The following PC variants were observed in gnomAD, a reference collection of about 807,000 sequenced individuals.
PC encodes pyruvate carboxylase, also known as pyruvate carboxylase, mitochondrial.
In PC, 46 loss-of-function variants were observed where a neutral mutation model predicts 107.8. That is an observed-to-expected ratio of 0.43 (90% CI 0.34 to 0.55). PC has a LOEUF of 0.55. PC is among the 20% of genes least tolerant of loss of function. The pLI, the probability that PC is intolerant of heterozygous loss-of-function variation, is 0.04. For synonymous variants in PC, 662 were observed against 684.7 expected, an observed-to-expected ratio of 0.97 and a Z score of 0.52; for missense variants, 1,241 against 1,643.1, an observed-to-expected ratio of 0.76 and a Z score of 4.23.
chr11:66,886,910 G>A (rs1395944666), intron 3 of PC, among the ~76,000 whole-genome samples: 1 of 152,126 alleles, frequency 6.6e-6, no homozygotes. Flanking sequence ...CAGTGCCACG[G>A]TGCACGCCCC....
intron 3 of PC, among the ~76,000 whole-genome samples, chr11:66,907,647 A>T (rs1464933403): frequency 1.3e-5 from 2 of 152,162 alleles, no homozygotes; most frequent in African/African-American, 4.8e-5. Context: ...GATCTAGTCC[A>T]ACCCTCCCCT....
At position 66,857,745 on chromosome 11, in the gene PC, A is replaced by G. The variant is rs1456755686; in HGVS notation, c.1369-4362T>C. On this transcript the variant is annotated intron_variant, in intron 12 of 22. Coordinates refer to ENST00000393960, the MANE Select transcript of PC (RefSeq NM_001040716.2). This position sits in a 1 kb window ranked among gnomAD's most constrained non-coding sequence, Gnocchi z 7.1. ...GGCCCCTTCCTACAGGGCGCTCACC[A>G]TGGCCCCGCCGCTCCTGCTGCTGCT... 1.9e-6 allele frequency: 3 copies of G among 1,590,762 alleles called. No individual in the cohort carries two copies. The highest frequency in any genetic ancestry group is 2.6e-6 in the Non-Finnish European group (3 of 1,175,266).
intron 11 of PC, among the ~76,000 whole-genome samples, chr11:66,864,482 T>A (rs1591172361): frequency 6.6e-6 from 1 of 152,236 alleles, no homozygotes; most frequent in African/African-American, 2.4e-5. Context: ...GGGGGTTTGT[T>A]TTTGTTTTTA....
chr11:66,882,407 G>T (rs971869784), intron 3 of PC, among the ~76,000 whole-genome samples: 14 of 152,250 alleles, frequency 9.2e-5, no homozygotes, highest in Non-Finnish European at 1.5e-5. Context: ...AGGCCGCAGA[G>T]GAAGGGAAAG....
At chr11:66,906,804 C>A (rs1056103807) in intron 3 of PC, among the ~76,000 whole-genome samples, 1 of 152,174 alleles carries the variant, frequency 6.6e-6, no homozygotes, top group Non-Finnish European at 1.5e-5. Context: ...AGGTTTTCTT[C>A]AAAATGGGAG....
At chr11:66,887,010 G>A (rs917172822) in intron 3 of PC, among the ~76,000 whole-genome samples, 2 of 152,226 alleles carry the variant, frequency 1.3e-5, no homozygotes, top group African/African-American at 4.8e-5. Context: ...ATCAGGGCTG[G>A]CCCAGGAGGT....
intron 12 of PC, chr11:66,859,160 A>G: frequency 1.4e-6 from 2 of 1,451,446 alleles, no homozygotes; most frequent in Non-Finnish European, 1.8e-6. Context: ...GCTCCCCACA[A>G]GGCTTTGCTT....
intron 3 of PC, among the ~76,000 whole-genome samples, chr11:66,887,978 C>T (rs140372279): frequency 5.3e-5 from 8 of 152,362 alleles, no homozygotes; most frequent in African/African-American, 1.9e-4. Flanking sequence ...CACATCACTC[C>T]CACCTCTGGC....
rs763433647 is a variant in PC, at chr11:66,871,050, A to G, written c.633+2T>C. 6.2e-7 allele frequency: 1 copy of G among 1,613,168 alleles called. No homozygotes were observed. The highest frequency in any genetic ancestry group is 1.3e-5 in the African/African-American group (1 of 74,634). On this transcript the variant is annotated splice_donor_variant, in intron 7 of 22. Coordinates refer to ENST00000393960, the MANE Select transcript of PC (RefSeq NM_001040716.2). LOFTEE classifies it high-confidence loss of function. The surrounding 1 kb of genome is among the most constrained non-coding windows in gnomAD (Gnocchi z 7.4). ...CTCCCAGCCCTGGGCATCTTCACTC[A>G]CCTCGTAGCTGTGCACCACCCTCAT...
chr11:66,876,543 G>C (rs909455924), intron 3 of PC, among the ~76,000 whole-genome samples: 14 of 152,218 alleles, frequency 9.2e-5, no homozygotes, highest in Non-Finnish European at 2.1e-4. Context: ...AGAGGTGCCG[G>C]GAGCACCAGC....
chr11:66,859,387 G>A (rs1431353313), intron 12 of PC, among the ~76,000 whole-genome samples: 2 of 152,142 alleles, frequency 1.3e-5, no homozygotes, highest in South Asian at 2.1e-4. Context: ...CATGGCCCGC[G>A]CCCGCGTGTT....
At chr11:66,851,686 G>T in intron 16 of PC, 104 bp downstream of exon 16, 2 of 1,228,332 alleles carry the variant, frequency 1.6e-6, no homozygotes, top group Non-Finnish European at 2.4e-6. Flanking sequence ...GCCACAGAGA[G>T]ACTTGGTGTC....
intron 12 of PC, among the ~76,000 whole-genome samples, chr11:66,856,045 GCAGACCAC>G (rs1251731970): frequency 2.0e-5 from 3 of 152,136 alleles, no homozygotes; most frequent in Non-Finnish European, 4.4e-5. Context: ...TCCCAACTGG[GCAGACCAC>G]TGGTGGTGGC....
intron 3 of PC, among the ~76,000 whole-genome samples, chr11:66,885,793 G>A (rs1947338360): frequency 6.6e-6 from 1 of 152,144 alleles, no homozygotes; most frequent in South Asian, 2.1e-4. Flanking sequence ...TTGAATTGGG[G>A]TTTCTGGCCT....
chr11:66,852,393 AG>A lies in PC; in HGVS notation c.1825+45del. ...CCTAAGCCTGTGGGACTGGCCACAG[AG>A]CGGGCGCCCATTCCTACCAGGCGCT... On this transcript the variant is annotated intron_variant, in intron 15 of 22. Coordinates refer to ENST00000393960, the MANE Select transcript of PC (RefSeq NM_001040716.2). The surrounding 1 kb of genome is among the most constrained non-coding windows in gnomAD (Gnocchi z 4.7). 1 of 1,475,408 alleles carries A rather than the reference AG, an allele frequency of 6.8e-7. No homozygotes were observed. Among genetic ancestry groups the A allele is most frequent in the Non-Finnish European group, 9.5e-7 (1 of 1,054,166 alleles). The allele number at this position is 1,475,408 out of a possible 1,614,324, so 91.4% of individuals were successfully genotyped here. A position where few individuals can be genotyped will look rare whatever the true frequency, so the allele number is the denominator to read the frequency against.
At chr11:66,904,031 C>T (rs1457837368) in intron 3 of PC, among the ~76,000 whole-genome samples, 1 of 151,750 alleles carries the variant, frequency 6.6e-6, no homozygotes, top group African/African-American at 2.4e-5. Flanking sequence ...ATTGCTAGTG[C>T]TCTGCAGTTT....
At chr11:66,947,110 A>G (rs1451116534) in intron 3 of PC, among the ~76,000 whole-genome samples, 3 of 152,146 alleles carry the variant, frequency 2.0e-5, no homozygotes, top group African/African-American at 7.2e-5. Context: ...TACAGCTACC[A>G]CAGGATCCAG....
At chr11:66,874,125 A>G (rs939747631) in intron 3 of PC, among the ~76,000 whole-genome samples, 1 of 152,098 alleles carries the variant, frequency 6.6e-6, no homozygotes, top group Non-Finnish European at 1.5e-5. Flanking sequence ...ACGCCCAGCT[A>G]ATTTTTGTAT....
At chr11:66,861,102 T>A (rs1946230636) in intron 12 of PC, among the ~76,000 whole-genome samples, 1 of 152,232 alleles carries the variant, frequency 6.6e-6, no homozygotes, top group Non-Finnish European at 1.5e-5. Flanking sequence ...CCAGCTCAGA[T>A]GTGCTCTGGG....
Sources: allele counts gnomAD v4.1 joint callset (sites outside exome capture counted in the v4.1 genomes callset), GRCh38; gene constraint gnomAD v4.1.1; non-coding constraint Gnocchi (gnomAD v3.1); transcripts MANE v1.5; gene names NCBI Gene and HGNC (gene_info 2026-07-23, HGNC 2026-07-21).